Variants in FOXP2 observed in about 807,000 individuals in gnomAD.
FOXP2 encodes the protein forkhead box protein P2.
In FOXP2, 12 loss-of-function variants were observed where a neutral mutation model predicts 115.8. The observed-to-expected ratio is 0.10, with a 90% CI of 0.07 to 0.17. The LOEUF (loss-of-function observed/expected upper bound fraction) is 0.17. Ranked by LOEUF, FOXP2 falls within the 10% of genes least tolerant of loss-of-function variation. FOXP2 has a pLI of 1.00. For synonymous variants in FOXP2, 328 were observed against 297.7 expected (o/e 1.10, Z -1.05); for missense variants, 629 against 843.5 (o/e 0.75, Z 3.15).
intron 2 of FOXP2, among the ~76,000 whole-genome samples, chr7:114,345,645 A>G (rs1791328968): frequency 6.6e-6 from 1 of 151,686 alleles, no homozygotes; most frequent in Non-Finnish European, 1.5e-5. Flanking sequence ...CATTTCATTA[A>G]TGGCCGATTC....
At chr7:114,523,806 C>T (rs1798739952) in intron 2 of FOXP2, among the ~76,000 whole-genome samples, 1 of 152,134 alleles carries the variant, frequency 6.6e-6, no homozygotes, top group Admixed American at 6.6e-5. Flanking sequence ...AGCCTAAGCC[C>T]TCAAGTCACT....
At chr7:114,238,078 T>C (rs1032865666) in intron 1 of FOXP2, among the ~76,000 whole-genome samples, 1 of 152,218 alleles carries the variant, frequency 6.6e-6, no homozygotes, top group South Asian at 2.1e-4. Flanking sequence ...GACATATGTA[T>C]TTTTTGTTAA....
chr7:114,345,266 G>T (rs1000728731), intron 2 of FOXP2, among the ~76,000 whole-genome samples: 1 of 151,034 alleles, frequency 6.6e-6, no homozygotes, highest in African/African-American at 2.4e-5. Context: ...TGTGTAGACT[G>T]GTGACAGCCT....
intron 1 of FOXP2, among the ~76,000 whole-genome samples, chr7:114,175,137 A>G (rs1302827307): frequency 6.6e-6 from 1 of 152,068 alleles, no homozygotes; most frequent in Non-Finnish European, 1.5e-5. Flanking sequence ...TTCAAACGCA[A>G]ACTACTTAAA....
At chr7:114,228,544 G>A (rs1794797416) in intron 1 of FOXP2, among the ~76,000 whole-genome samples, 1 of 151,816 alleles carries the variant, frequency 6.6e-6, no homozygotes, top group African/African-American at 2.4e-5. Flanking sequence ...CAAAATAAGT[G>A]GCTTAAAGAA....
intron 1 of FOXP2, among the ~76,000 whole-genome samples, chr7:114,273,306 G>T (rs924938562): frequency 1.3e-5 from 2 of 151,966 alleles, no homozygotes; most frequent in Non-Finnish European, 2.9e-5. Flanking sequence ...GAGAGCAGAT[G>T]TTGTTTGGAT....
chr7:114,208,865 G>C (rs1329723514), intron 1 of FOXP2, among the ~76,000 whole-genome samples: 1 of 152,076 alleles, frequency 6.6e-6, no homozygotes, highest in Non-Finnish European at 1.5e-5. Context: ...CAGCCACGTG[G>C]AACTGAGTCC....
chr7:114,176,466 A>C (rs1382744383), intron 1 of FOXP2, among the ~76,000 whole-genome samples: 1 of 151,648 alleles, frequency 6.6e-6, no homozygotes, highest in East Asian at 1.9e-4. Context: ...AGCTCCCCTG[A>C]GTAGCTGGGA....
chr7:114,393,341 G>A (rs1792655042), intron 2 of FOXP2, among the ~76,000 whole-genome samples: 1 of 149,150 alleles, frequency 6.7e-6, no homozygotes, highest in Admixed American at 6.7e-5. Context: ...ATTGCTTGTG[G>A]CAAAAAAATG....
chr7:114,208,843 G>T (rs922077265), intron 1 of FOXP2, among the ~76,000 whole-genome samples: 1 of 152,050 alleles, frequency 6.6e-6, no homozygotes, highest in Non-Finnish European at 1.5e-5. Context: ...TGCCATGATT[G>T]TGAGGCCTCC....
At chr7:114,190,172 A>G (rs1392594980) in intron 1 of FOXP2, among the ~76,000 whole-genome samples, 2 of 152,230 alleles carry the variant, frequency 1.3e-5, no homozygotes, top group Non-Finnish European at 2.9e-5. Flanking sequence ...TTTATAAATC[A>G]ACTTGACTGG....
chr7:114,620,257 C>G (rs539934669), intron 3 of FOXP2, among the ~76,000 whole-genome samples: 2 of 152,108 alleles, frequency 1.3e-5, no homozygotes, highest in South Asian at 4.1e-4. Flanking sequence ...TTAGAAATAA[C>G]AGCAACAAAT....
chr7:114,664,583 A>G, intron 16 of FOXP2, 147 bp downstream of exon 16: 1 of 906,854 alleles, frequency 1.1e-6, no homozygotes, highest in Non-Finnish European at 1.7e-6. Context: ...ATAATATGAC[A>G]AAGTTTATCA....
intron 1 of FOXP2, among the ~76,000 whole-genome samples, chr7:114,181,542 G>A (rs1330414435): frequency 6.6e-6 from 1 of 151,914 alleles, no homozygotes; most frequent in Non-Finnish European, 1.5e-5. Context: ...CTTCAGAGTT[G>A]TTGATGATAG....
At chr7:114,371,814 A>G (rs1323676252) in intron 2 of FOXP2, among the ~76,000 whole-genome samples, 1 of 152,164 alleles carries the variant, frequency 6.6e-6, no homozygotes. Context: ...TATGTAATGT[A>G]CTTCTATTTT....
Position 114,328,211 on chromosome 7 carries a change from T to C in FOXP2, c.-11+40102T>C, listed in dbSNP as rs568495491. ...TGAGATTACAGGTGTGAGCCAGTGCTCTCAGCCCTTTCTTTTCTTTTCTTT... is the reference window on the plus strand; with the variant it reads ...TGAGATTACAGGTGTGAGCCAGTGCCCTCAGCCCTTTCTTTTCTTTTCTTT... On this transcript the variant is annotated intron_variant, in intron 2 of 17. Coordinates refer to the FOXP2 transcript ENST00000634411. Among the ~76,000 whole-genome samples, 191 of 150,466 alleles carry C rather than the reference T, an allele frequency of 1.3e-3. 1 individual carries two copies. Among genetic ancestry groups the C allele is most frequent in the Non-Finnish European group, 2.4e-3 (159 of 67,606 alleles).
At chr7:114,541,140 G>C (rs955476925) in intron 3 of FOXP2, among the ~76,000 whole-genome samples, 2 of 152,038 alleles carry the variant, frequency 1.3e-5, no homozygotes, top group African/African-American at 4.8e-5. Context: ...TGTTGAGTTT[G>C]AGGAGATGGC....
chr7:114,565,702 CACCACCATCTTCTCAATGTTGT>C (rs1282115044), intron 3 of FOXP2, among the ~76,000 whole-genome samples: 1 of 152,118 alleles, frequency 6.6e-6, no homozygotes, highest in Non-Finnish European at 1.5e-5. Context: ...CCTCAGTCCA[CACCACCATCTTCTCAATGTTGT>C]ACAGGTCTTG....
chr7:114,240,604 G>C (rs1230227602), intron 1 of FOXP2, among the ~76,000 whole-genome samples: 1 of 151,566 alleles, frequency 6.6e-6, no homozygotes, highest in African/African-American at 2.4e-5. Context: ...TCAATCATTT[G>C]TTATTCTATT....
Sources: allele counts gnomAD v4.1 joint callset (sites outside exome capture counted in the v4.1 genomes callset), GRCh38; gene constraint gnomAD v4.1.1; transcripts MANE v1.5; gene names NCBI Gene and HGNC (gene_info 2026-07-23, HGNC 2026-07-21).